Variants in MED24 observed in about 807,000 individuals in gnomAD.
MED24 encodes mediator of RNA polymerase II transcription subunit 24.
In MED24, 74 loss-of-function variants were observed where a neutral mutation model predicts 118.8. The ratio of observed to expected loss-of-function variants is 0.62; its 90% CI spans 0.52 to 0.76. MED24 has a LOEUF of 0.76. Ranked by LOEUF, MED24 falls within the 30% of genes least tolerant of loss-of-function variation. The pLI is 0.00. For synonymous variants in MED24, 521 were observed against 523.9 expected, an observed-to-expected ratio of 0.99 and a Z score of 0.08; for missense variants, 1,041 against 1,278.9, an observed-to-expected ratio of 0.81 and a Z score of 2.84.
chr17:40,037,928 A>AATGTCAC (rs1984137063), intron 3 of MED24, among the ~76,000 whole-genome samples: 1 of 151,992 alleles, frequency 6.6e-6, no homozygotes, highest in South Asian at 2.1e-4. Context: ...AAAAAAAAGA[A>AATGTCAC]ATGTCACACA....
chr17:40,020,561 G>A, intron 23 of MED24: 2 of 1,147,898 alleles, frequency 1.7e-6, no homozygotes, highest in Non-Finnish European at 2.5e-6. Flanking sequence ...GCCGAGGCAG[G>A]AGGATCGCTT....
Position 40,033,075 on chromosome 17 carries a change from G to T in MED24, c.803C>A (p.Thr268Lys). 6.2e-7 allele frequency: 1 copy of T among 1,613,988 alleles called. No homozygotes were observed. The highest frequency in any genetic ancestry group is 8.5e-7 in the Non-Finnish European group (1 of 1,180,030). ...GETQSLVEQL[T>K]MVKRMQHIPT... ...TCCCACCTGCATGCGCTTCACCATC[G>T]TCAGCTGCTCCACCAGGGACTGCGT... The change falls in exon 8 of 26, where the codon ACG becomes AAG. Residue 268 changes from threonine (T) to lysine (K), a missense_variant. Coordinates refer to ENST00000394128, the MANE Select transcript of MED24 (RefSeq NM_014815.4). The surrounding 1 kb of genome is among the most constrained non-coding windows in gnomAD (Gnocchi z 5.2).
At position 40,029,519 on chromosome 17, in the gene MED24, T is replaced by C. The variant is rs556007322; in HGVS notation, c.1266+229A>G. On this transcript the variant is annotated intron_variant, in intron 13 of 25. Transcript: ENST00000394128. The stretch of plus-strand genomic sequence containing the variant: ...ACGTCTCTGTTGTTTCCATGTGAGA[T>C]GGCCTAAGTGAAAGCGCCTACTGCA... Among the ~76,000 whole-genome samples, 15 of 152,328 alleles carry C rather than the reference T, an allele frequency of 9.8e-5. No homozygotes were observed. The South Asian group carries it at 2.5e-3, about 25-fold the overall frequency.
chr17:40,026,796 G>A (rs763318220), intron 17 of MED24, 50 bp from the exon 18 acceptor site: 1 of 1,611,608 alleles, frequency 6.2e-7, no homozygotes, highest in Non-Finnish European at 8.5e-7. Context: ...ACGGGCTCAG[G>A]GAGCGGGTCT....
intron 3 of MED24, among the ~76,000 whole-genome samples, chr17:40,051,199 T>A (rs1230346372): frequency 2.0e-5 from 3 of 148,816 alleles, no homozygotes; most frequent in African/African-American, 7.4e-5. Context: ...TAATCCCAGC[T>A]ACTTGGGAGG....
intron 12 of MED24, 66 bp downstream of exon 12, chr17:40,031,093 C>T: frequency 6.8e-7 from 1 of 1,461,934 alleles, no homozygotes; most frequent in Non-Finnish European, 9.4e-7. Context: ...AGGCACGCAG[C>T]AGCCCCACCG....
chr17:40,023,502 TCTCC>T, intron 19 of MED24, 107 bp from the exon 20 acceptor site: 10 of 1,173,558 alleles, frequency 8.5e-6, no homozygotes, highest in Non-Finnish European at 1.2e-5. Context: ...GTTACGGAAA[TCTCC>T]CTGAGGCATT....
Position 40,026,330 on chromosome 17 carries a change from T to A in MED24, c.1811A>T (p.Lys604Ile). The change falls in exon 19 of 26, where the codon AAA becomes ATA. Residue 604 changes from lysine (K) to isoleucine (I), a missense_variant and splice_region_variant. By Grantham distance (102) the Lys-to-Ile change is moderately radical. Coordinates refer to ENST00000394128, the MANE Select transcript of MED24 (RefSeq NM_014815.4). ...CTTCCCTTTGATGTTATCAGTGATTTTCTAGGGGAGACGGAAAGGTGATGG... is the reference window on the plus strand; with the variant it reads ...CTTCCCTTTGATGTTATCAGTGATTATCTAGGGGAGACGGAAAGGTGATGG... Reference protein sequence around the residue: ...NGVLAFESIQKITDNIKGKVC... With the variant: ...NGVLAFESIQIITDNIKGKVC... 1 of 1,612,280 alleles carries A rather than the reference T, an allele frequency of 6.2e-7. No individual in the cohort carries two copies. Among genetic ancestry groups the A allele is most frequent in the Non-Finnish European group, 8.5e-7 (1 of 1,178,580 alleles).
intron 24 of MED24, 161 bp from the exon 25 acceptor site, chr17:40,020,094 GGGA>G (rs531702591): frequency 2.7e-4 from 273 of 1,005,716 alleles, no homozygotes; most frequent in African/African-American, 1.7e-3. Flanking sequence ...AATTGGGGAG[GGGA>G]GGAGGGGGAA....
chr17:40,024,547 T>C (rs1982421071), intron 19 of MED24, among the ~76,000 whole-genome samples: 1 of 151,764 alleles, frequency 6.6e-6, no homozygotes, highest in Non-Finnish European at 1.5e-5. Flanking sequence ...AATAAGTACA[T>C]AAATAAATAA....
chr17:40,043,723 C>T (rs1428555939), intron 3 of MED24, among the ~76,000 whole-genome samples: 1 of 151,488 alleles, frequency 6.6e-6, no homozygotes, highest in Non-Finnish European at 1.5e-5. Flanking sequence ...AACCCCATCT[C>T]TACTAAAAAT....
intron 21 of MED24, 47 bp from the exon 22 acceptor site, chr17:40,022,531 G>T (rs772165414): frequency 1.3e-6 from 2 of 1,592,956 alleles, no homozygotes; most frequent in East Asian, 2.3e-5. Context: ...GGTGCCCCAG[G>T]AGCTTTCTGT....
At chr17:40,044,781 A>G (rs997868222) in intron 3 of MED24, among the ~76,000 whole-genome samples, 1 of 151,256 alleles carries the variant, frequency 6.6e-6, no homozygotes, top group African/African-American at 2.4e-5. Context: ...TGGGAGGCTG[A>G]GGCAGGAGAA....
Position 40,029,028 on chromosome 17 carries a change from C to T in MED24, c.1267-60G>A, listed in dbSNP as rs140977654. On this transcript the variant is annotated intron_variant, in intron 13 of 25. Transcript: ENST00000394128. The stretch of plus-strand genomic sequence containing the variant: ...CACTGAAGACCCCCCACCCAAGATA[C>T]AGCCTAGCCACATTTTCTCTCTTCA... 1,347 of 1,600,558 alleles carry T rather than the reference C, an allele frequency of 8.4e-4. 12 individuals carry two copies. The African/African-American group carries it at 0.013, about 16-fold the overall frequency.
rs1568156050 is a variant in MED24 at position 40,023,527 on chromosome 17, T to A, written c.1986-132A>T. 5 of 886,362 alleles carry A rather than the reference T, an allele frequency of 5.6e-6. No homozygotes were observed. The East Asian group carries it at 1.0e-4, about 18-fold the overall frequency. 54.9% of individuals were successfully genotyped at this position (886,362 alleles called of 1,614,324 possible). A position where few individuals can be genotyped will look rare whatever the true frequency, so the allele number is the denominator to read the frequency against. ...TCTCCCTGAGGCATTAACCCAGTTTTGCGCTGGGGGACGGTATACCCCGGG... is the reference window on the plus strand; with the variant it reads ...TCTCCCTGAGGCATTAACCCAGTTTAGCGCTGGGGGACGGTATACCCCGGG... On this transcript the variant is annotated intron_variant, in intron 19 of 25. Transcript: ENST00000394128.
chr17:40,027,953 G>A lies in MED24; in HGVS notation c.1410-7C>T. Reference sequence around the variant, plus strand: ...GGTTGTGAATTCATTCAAACTGAAAGGAATGGAGACAGGCTGCATTGACCA... The same window carrying A: ...GGTTGTGAATTCATTCAAACTGAAAAGAATGGAGACAGGCTGCATTGACCA... On this transcript the variant is annotated splice_region_variant and splice_polypyrimidine_tract_variant and intron_variant, in intron 14 of 25. Transcript: ENST00000394128. 2 of 1,613,822 alleles carry A rather than the reference G, an allele frequency of 1.2e-6. No individual in the cohort carries two copies. The highest frequency in any genetic ancestry group is 1.7e-6 in the Non-Finnish European group (2 of 1,179,980).
chr17:40,027,458 C>CGGTTT lies in MED24; in HGVS notation c.1450_1454dup (p.Ala486AsnfsTer28). On this transcript the variant is annotated frameshift_variant, in exon 16 of 26. Coordinates refer to ENST00000394128, the MANE Select transcript of MED24 (RefSeq NM_014815.4). LOFTEE classifies it high-confidence loss of function. ...CAAACAGCAGGGCCCGGACGGAGGC[C>CGGTTT]GGTTTGGCTGTGGAAGGACGGGAAG... 7.4e-6 allele frequency: 12 copies of CGGTTT among 1,611,386 alleles called. No individual in the cohort carries two copies. The highest frequency in any genetic ancestry group is 1.0e-5 in the Non-Finnish European group (12 of 1,178,698).
chr17:40,027,038 G>A lies in MED24; in HGVS notation c.1531-4C>T, dbSNP rs58631348. The A allele has an allele frequency of 2.5e-6, 4 of 1,613,984 alleles. No homozygotes were observed. The highest frequency in any genetic ancestry group is 3.4e-6 in the Non-Finnish European group (4 of 1,179,974). On this transcript the variant is annotated splice_region_variant and splice_polypyrimidine_tract_variant and intron_variant, in intron 16 of 25. Transcript: ENST00000394128. ...TGCGCGACTCGGACAGAATCACCTGGGAAAGGGGAAGGGGGGCACCAGCCG... is the reference window on the plus strand; with the variant it reads ...TGCGCGACTCGGACAGAATCACCTGAGAAAGGGGAAGGGGGGCACCAGCCG...
rs752740552 is a variant in MED24 at position 40,026,903 on chromosome 17, C to T, written c.1662G>A (p.Val554=). 2 of 1,613,976 alleles carry T rather than the reference C, an allele frequency of 1.2e-6. No individual in the cohort carries two copies. The highest frequency in any genetic ancestry group is 2.2e-5 in the East Asian group (1 of 44,882). ...HPCFRPDSTK[V]ESLVALLNNS... ...TGTTGAGCAGGGCCACCAGGGACTC[C>T]ACTTTGGTGGAGTCGGGGCGGAAGC... The change falls in exon 17 of 26, where the codon GTG becomes GTA. Residue 554 remains valine, a synonymous_variant. Coordinates refer to ENST00000394128, the MANE Select transcript of MED24 (RefSeq NM_014815.4).
Sources: allele counts gnomAD v4.1 joint callset (sites outside exome capture counted in the v4.1 genomes callset), GRCh38; gene constraint gnomAD v4.1.1; non-coding constraint Gnocchi (gnomAD v3.1); transcripts MANE v1.5; gene names NCBI Gene and HGNC (gene_info 2026-07-23, HGNC 2026-07-21).